The following ZGRF1 variants were observed in gnomAD, a reference collection of about 807,000 sequenced individuals.
ZGRF1 encodes zinc finger GRF-type containing 1.
ZGRF1 carries 196 observed loss-of-function variants against 203.5 expected under a neutral mutation model. The ratio of observed to expected loss-of-function variants is 0.96; its 90% confidence interval spans 0.86 to 1.08. The LOEUF (loss-of-function observed/expected upper bound fraction) is 1.08, where lower values mean the gene tolerates loss of function less well. Among genes scored for constraint, ZGRF1 ranks in the 50% least tolerant of loss-of-function variants. ZGRF1 has a pLI of 0.00. For synonymous variants in ZGRF1, 809 were observed against 841.3 expected (o/e 0.96, Z 0.66); for missense variants, 2,326 against 2,416.3 (o/e 0.96, Z 0.78).
In ZGRF1 at chr4:112,618,703, C is replaced by G; in HGVS notation, c.1339G>C (p.Gly447Arg). 1 of 1,611,528 alleles carries G rather than the reference C, an allele frequency of 6.2e-7. No individual in the cohort carries two copies. Among genetic ancestry groups the G allele is most frequent in the Non-Finnish European group, 8.5e-7 (1 of 1,179,304 alleles). The change falls in exon 6 of 28, where the codon GGG becomes CGG. Residue 447 changes from glycine to arginine, a missense_variant. Transcript: ENST00000505019. Reference protein sequence around the residue: ...NKIPFNQNDKGCIKGSVLIKE... With the variant: ...NKIPFNQNDKRCIKGSVLIKE... ...ATGAGAACTGATCCTTTAATGCACCCCTTGTCATTTTGATTAAAAGGTATT... is the reference window on the plus strand; with the variant it reads ...ATGAGAACTGATCCTTTAATGCACCGCTTGTCATTTTGATTAAAAGGTATT...
rs1443217576 is a variant in ZGRF1 at position 112,573,718 on chromosome 4, AT to A, written c.4438+7944del. On this transcript the variant is annotated intron_variant, in intron 16 of 27. Coordinates refer to ENST00000505019, the MANE Select transcript of ZGRF1 (RefSeq NM_018392.5). ...TACTAATAAATATGACTATTCTAAA[AT>A]TAAGAATTTTTATTTATCTAAAGAC... 2.6e-5 allele frequency among the ~76,000 whole-genome samples: 4 copies of A among 152,160 alleles called. No individual in the cohort carries two copies. The East Asian group carries it at 7.7e-4, about 29-fold the overall frequency.
chr4:112,547,301 T>C lies in ZGRF1; in HGVS notation c.5582A>G (p.Asp1861Gly). ...HENGLEQTLFDRLCLMGHKPI... is the reference protein window; with the variant it reads ...HENGLEQTLFGRLCLMGHKPI... ...AGTATGTACCATTAAGCAAAGTCGA[T>C]CAAAAAGAGTTTGTTCCAATCCATT... The change falls in exon 24 of 28, where the codon GAT (aspartate) becomes GGT (glycine). Residue 1861 changes from aspartate to glycine, a missense_variant. Physicochemically the swap from Asp to Gly is moderately conservative, Grantham distance 94. Transcript: ENST00000505019. 6.2e-7 allele frequency: 1 copy of C among 1,612,918 alleles called. No homozygotes were observed. The highest frequency in any genetic ancestry group is 8.5e-7 in the Non-Finnish European group (1 of 1,179,628).
Position 112,618,236 on chromosome 4 carries a change from T to C in ZGRF1, c.1806A>G (p.Thr602=). 6.2e-7 allele frequency: 1 copy of C among 1,613,942 alleles called. No individual in the cohort carries two copies. Among genetic ancestry groups the C allele is most frequent in the Non-Finnish European group, 8.5e-7 (1 of 1,179,894 alleles). Residue 602 remains threonine, a synonymous_variant, in exon 6 of 28, where the codon ACA becomes ACG. Coordinates refer to ENST00000505019, the MANE Select transcript of ZGRF1 (RefSeq NM_018392.5). ...LTSVSDKPTV[T]FPVKETLPSQ... ...ATGGCAGAGTCTCTTTAACAGGAAA[T>C]GTCACTGTAGGTTTGTCACTAACAG...
intron 16 of ZGRF1, among the ~76,000 whole-genome samples, chr4:112,580,648 AT>A (rs1366014094): frequency 6.6e-6 from 1 of 152,256 alleles, no homozygotes; most frequent in Non-Finnish European, 1.5e-5. Flanking sequence ...AAAAGAAGAC[AT>A]TTATGCAGCC....
chr4:112,559,327 T>C (rs1741511302), intron 19 of ZGRF1, among the ~76,000 whole-genome samples: 1 of 152,172 alleles, frequency 6.6e-6, no homozygotes, highest in Non-Finnish European at 1.5e-5. Flanking sequence ...ACCTCCAAAG[T>C]AGCTGGGACT....
chr4:112,617,734 T>C lies in ZGRF1; in HGVS notation c.2308A>G (p.Lys770Glu). Residue 770 changes from lysine to glutamate, a missense_variant, in exon 6 of 28, where the codon AAA (lysine) becomes GAA (glutamate). Lys to Glu is a moderately conservative substitution (Grantham distance 56, BLOSUM62 1). Transcript: ENST00000505019. ...GTGTCTTTGGAAATAAGATGCTTTT[T>C]TCCCAGTGGGTAAAACAAAGAATTG... ...ISNSLFYPLG[K>E]KHLISKDTEA... The C allele has an allele frequency of 6.2e-7, 1 of 1,614,152 alleles. No individual in the cohort carries two copies. Among genetic ancestry groups the C allele is most frequent in the South Asian group, 1.1e-5 (1 of 91,088 alleles).
chr4:112,546,675 GT>G (rs1459493122), intron 24 of ZGRF1: 6 of 152,200 alleles, frequency 3.9e-5, no homozygotes, highest in Non-Finnish European at 8.8e-5. Flanking sequence ...GCCATTCCTG[GT>G]ATATGTGTGT....
intron 16 of ZGRF1, among the ~76,000 whole-genome samples, chr4:112,576,408 A>G (rs543182930): frequency 6.6e-6 from 1 of 152,356 alleles, no homozygotes; most frequent in African/African-American, 2.4e-5. Context: ...CTCACCAGCA[A>G]CAGAACAAAG....
chr4:112,622,166 A>G (rs1276815006), intron 4 of ZGRF1, among the ~76,000 whole-genome samples: 5 of 152,148 alleles, frequency 3.3e-5, no homozygotes, highest in Non-Finnish European at 5.9e-5. Context: ...TTCAAAATGA[A>G]TATTATGGCC....
intron 4 of ZGRF1, among the ~76,000 whole-genome samples, chr4:112,622,603 G>A (rs1052485264): frequency 6.7e-6 from 1 of 150,256 alleles, no homozygotes; most frequent in Non-Finnish European, 1.5e-5. Flanking sequence ...CCTTCAGACC[G>A]ACCCTGTAAA....
At chr4:112,603,733 C>A (rs775875731) in intron 9 of ZGRF1, 36 bp from the exon 10 acceptor site, 12 of 1,516,592 alleles carry the variant, frequency 7.9e-6, no homozygotes, top group Non-Finnish European at 1.0e-5. Context: ...AACTGCATAA[C>A]TATATGTTGA....
At chr4:112,614,362 A>G (rs769990183) in intron 6 of ZGRF1, among the ~76,000 whole-genome samples, 6 of 152,222 alleles carry the variant, frequency 3.9e-5, no homozygotes, top group Non-Finnish European at 7.3e-5. Context: ...TTTCATGGTC[A>G]TTTGCAGACA....
At chr4:112,602,584 T>C (rs1389252953) in intron 10 of ZGRF1, among the ~76,000 whole-genome samples, 3 of 152,242 alleles carry the variant, frequency 2.0e-5, no homozygotes, top group African/African-American at 7.2e-5. Flanking sequence ...TACATGTTCA[T>C]GATGGTACTT....
Position 112,581,700 on chromosome 4 carries a change from C to G in ZGRF1, c.4401G>C (p.Lys1467Asn), listed in dbSNP as rs200350932. 4.2e-5 allele frequency: 66 copies of G among 1,581,450 alleles called. No individual in the cohort carries two copies. The highest frequency in any genetic ancestry group is 5.4e-5 in the Non-Finnish European group (63 of 1,168,470). ...CTGAAGATCTTTCCTTCCGACTTAG[C>G]TTAAGATAAAGTTTGGTTTTTGGTT... ...YNEPKTKLYLKLSRKERSSAY... is the reference protein window; with the variant it reads ...YNEPKTKLYLNLSRKERSSAY... The change falls in exon 16 of 28, where the codon AAG (lysine) becomes AAC (asparagine). Residue 1467 changes from lysine (K) to asparagine (N), a missense_variant. Lys to Asn is a moderately conservative substitution (Grantham distance 94, BLOSUM62 0). Coordinates refer to ENST00000505019, the MANE Select transcript of ZGRF1 (RefSeq NM_018392.5).
chr4:112,572,268 C>G (rs974151854), intron 16 of ZGRF1, among the ~76,000 whole-genome samples: 47 of 152,130 alleles, frequency 3.1e-4, no homozygotes, highest in African/African-American at 1.1e-3. Flanking sequence ...GCCAACTGAT[C>G]TTTGACAAAA....
chr4:112,571,899 C>T (rs1194125852), intron 16 of ZGRF1, among the ~76,000 whole-genome samples: 1 of 152,110 alleles, frequency 6.6e-6, no homozygotes, highest in Non-Finnish European at 1.5e-5. Flanking sequence ...GTAATTAAGG[C>T]AGTGTGGAAC....
intron 4 of ZGRF1, among the ~76,000 whole-genome samples, chr4:112,622,397 G>T (rs1347366480): frequency 2.6e-5 from 4 of 151,546 alleles, no homozygotes; most frequent in African/African-American, 9.7e-5. Flanking sequence ...GCGCACGCCT[G>T]TAATCTCAGC....
intron 10 of ZGRF1, among the ~76,000 whole-genome samples, chr4:112,592,104 T>TG (rs1347100609): frequency 2.0e-5 from 3 of 150,674 alleles, no homozygotes; most frequent in African/African-American, 7.3e-5. Flanking sequence ...TTCTTTTTTT[T>TG]TTTTTTTTTT....
chr4:112,565,098 G>A, intron 16 of ZGRF1: 1 of 1,343,590 alleles, frequency 7.4e-7, no homozygotes, highest in East Asian at 2.3e-5. Flanking sequence ...GAGGGGTGAA[G>A]AAACCTCATC....
Sources: allele counts gnomAD v4.1 joint callset (sites outside exome capture counted in the v4.1 genomes callset), GRCh38; gene constraint gnomAD v4.1.1; transcripts MANE v1.5; gene names NCBI Gene and HGNC (gene_info 2026-07-23, HGNC 2026-07-21).